Variants in PRKG1 observed in about 807,000 individuals in gnomAD.
PRKG1 encodes the protein cGMP-dependent protein kinase 1.
PRKG1 carries 35 observed loss-of-function variants against 88.1 expected under a neutral mutation model. That is an observed-to-expected ratio of 0.40 (90% confidence interval 0.30 to 0.53). The LOEUF (loss-of-function observed/expected upper bound fraction) is 0.53, where lower values mean the gene tolerates loss of function less well. Ranked by LOEUF, PRKG1 falls within the 20% of genes least tolerant of loss-of-function variation. The probability of loss-of-function intolerance (pLI) is 0.59; values close to 1 mark genes in which losing one functional copy is unlikely to be tolerated. For synonymous variants in PRKG1, 303 were observed against 292.5 expected (o/e 1.04, Z -0.37); for missense variants, 540 against 839.8 (o/e 0.64, Z 4.41).
At chr10:51,010,177 A>T (rs1285604048) in intron 1 of PRKG1, among the ~76,000 whole-genome samples, 2 of 152,192 alleles carry the variant, frequency 1.3e-5, no homozygotes, top group African/African-American at 4.8e-5. Flanking sequence ...GTAGATGTGG[A>T]ATTCCATGGA....
intron 3 of PRKG1, among the ~76,000 whole-genome samples, chr10:51,468,837 C>A (rs1312706520): frequency 6.0e-5 from 9 of 151,014 alleles, no homozygotes; most frequent in African/African-American, 1.7e-4. Context: ...ACTGAAAATA[C>A]AACAATGAAA....
At chr10:51,819,688 A>G (rs963498613) in intron 4 of PRKG1, among the ~76,000 whole-genome samples, 7 of 152,176 alleles carry the variant, frequency 4.6e-5, no homozygotes, top group African/African-American at 1.7e-4. Context: ...ACCCTCTAGA[A>G]GGAATAGAAT....
At chr10:51,948,118 A>T (rs1167589476) in intron 5 of PRKG1, among the ~76,000 whole-genome samples, 1 of 152,116 alleles carries the variant, frequency 6.6e-6, no homozygotes, top group African/African-American at 2.4e-5. Flanking sequence ...ACATTTCTCA[A>T]TTTAAGATAT....
intron 7 of PRKG1, among the ~76,000 whole-genome samples, chr10:52,096,529 A>G (rs1309822761): frequency 6.6e-6 from 1 of 152,156 alleles, no homozygotes; most frequent in Non-Finnish European, 1.5e-5. Context: ...GCCCTCTTCC[A>G]TATATTCCTT....
chr10:52,129,164 C>T (rs1038678301), intron 7 of PRKG1, among the ~76,000 whole-genome samples: 2 of 152,280 alleles, frequency 1.3e-5, no homozygotes. Context: ...ACCGCTCTGA[C>T]GTGAAATGCC....
chr10:51,679,053 A>G (rs1052205266), intron 3 of PRKG1, among the ~76,000 whole-genome samples: 9 of 152,174 alleles, frequency 5.9e-5, no homozygotes, highest in Non-Finnish European at 1.3e-4. Flanking sequence ...ATTAGGCTAG[A>G]TATTTAGAAA....
At chr10:52,027,058 A>C (rs904271317) in intron 5 of PRKG1, among the ~76,000 whole-genome samples, 1 of 152,208 alleles carries the variant, frequency 6.6e-6, no homozygotes, top group Admixed American at 6.5e-5. Context: ...GTGTCTGCCC[A>C]GAAGAGGTTG....
intron 3 of PRKG1, among the ~76,000 whole-genome samples, chr10:51,683,955 G>A (rs905951992): frequency 1.3e-5 from 2 of 152,178 alleles, no homozygotes; most frequent in Non-Finnish European, 2.9e-5. Flanking sequence ...TAGTTTGGTC[G>A]TTTTGGAAAA....
intron 1 of PRKG1, among the ~76,000 whole-genome samples, chr10:51,027,746 G>A (rs1487833332): frequency 6.6e-6 from 1 of 152,136 alleles, no homozygotes; most frequent in African/African-American, 2.4e-5. Flanking sequence ...AGATCATTAT[G>A]TTAACAAGAT....
chr10:51,722,279 C>T (rs535161685), intron 3 of PRKG1, among the ~76,000 whole-genome samples: 52 of 151,470 alleles, frequency 3.4e-4, no homozygotes, highest in African/African-American at 1.3e-3. Flanking sequence ...TTTGCCATCA[C>T]AATTTTCTTC....
chr10:51,171,714 G>C (rs1005383362), intron 2 of PRKG1, among the ~76,000 whole-genome samples: 1 of 152,088 alleles, frequency 6.6e-6, no homozygotes, highest in African/African-American at 2.4e-5. Context: ...TTATTGAAAT[G>C]AAGGACAGAA....
intron 4 of PRKG1, among the ~76,000 whole-genome samples, chr10:51,874,684 A>G (rs1841249466): frequency 6.6e-6 from 1 of 152,200 alleles, no homozygotes; most frequent in African/African-American, 2.4e-5. Flanking sequence ...GGTAAAATAT[A>G]TGTACCTTAA....
intron 3 of PRKG1, among the ~76,000 whole-genome samples, chr10:51,572,463 ATGAAGTGT>A (rs1589094791): frequency 1.3e-5 from 2 of 152,004 alleles, no homozygotes; most frequent in East Asian, 3.9e-4. Flanking sequence ...TCTGGGAATT[ATGAAGTGT>A]TTAATGCTGA....
chr10:51,957,789 A>G (rs763626999), intron 5 of PRKG1, among the ~76,000 whole-genome samples: 76 of 152,172 alleles, frequency 5.0e-4, no homozygotes, highest in African/African-American at 5.5e-4. Context: ...TTTTCATCCA[A>G]TGAAATCACA....
At chr10:51,062,096 A>G (rs1412365584) in intron 1 of PRKG1, among the ~76,000 whole-genome samples, 3 of 152,202 alleles carry the variant, frequency 2.0e-5, no homozygotes, top group Non-Finnish European at 4.4e-5. Context: ...TGGAGGATTT[A>G]CTTTTGCTCC....
At chr10:51,272,505 T>C in intron 2 of PRKG1, among the ~76,000 whole-genome samples, 1 of 116,598 alleles carries the variant, frequency 8.6e-6, no homozygotes, top group South Asian at 2.6e-4. Context: ...TAAAGTTTTG[T>C]TTTTTTTTTT....
Position 51,504,239 on chromosome 10 carries a change from C to A in PRKG1, c.592+36403C>A, listed in dbSNP as rs142525135. On this transcript the variant is annotated intron_variant, in intron 3 of 17. Coordinates refer to ENST00000373980, the MANE Select transcript of PRKG1 (RefSeq NM_006258.4). ...GGCACAGACCTCTTGACACACCAAG[C>A]ATATGGAAAGAATTCAGGCTTGTCA... Among the ~76,000 whole-genome samples the A allele has an allele frequency of 3.4e-3, 520 of 151,948 alleles. 6 individuals are homozygous for A. The highest frequency in any genetic ancestry group is 5.5e-3 in the Non-Finnish European group (374 of 67,848).
At chr10:51,666,541 C>T (rs1840427039) in intron 3 of PRKG1, among the ~76,000 whole-genome samples, 1 of 152,162 alleles carries the variant, frequency 6.6e-6, no homozygotes, top group Non-Finnish European at 1.5e-5. Flanking sequence ...AGACCACCTT[C>T]TATTCCCCTC....
intron 2 of PRKG1, among the ~76,000 whole-genome samples, chr10:51,457,099 T>G (rs1839606314): frequency 2.0e-5 from 3 of 151,984 alleles, no homozygotes; most frequent in African/African-American, 7.3e-5. Context: ...TGAAAAGAAG[T>G]CATTACATGA....
Sources: gnomAD v4.1 joint callset for allele counts (sites outside exome capture counted in the v4.1 genomes callset) on GRCh38, gnomAD v4.1.1 for gene constraint, MANE v1.5 for transcripts, NCBI Gene and HGNC (gene_info 2026-07-23, HGNC 2026-07-21) for gene names.